SIPA1L1: variants seen among roughly 807,000 people sequenced by gnomAD.
SIPA1L1 encodes the protein signal-induced proliferation-associated 1-like protein 1.
A neutral mutation model predicts 162.7 loss-of-function variants in SIPA1L1; 26 were observed. The observed-to-expected ratio is 0.16, with a 90% CI of 0.12 to 0.22. The LOEUF (loss-of-function observed/expected upper bound fraction) is 0.22, where lower values mean the gene tolerates loss of function less well. Among genes scored for constraint, SIPA1L1 ranks in the 10% least tolerant of loss-of-function variants. The probability of loss-of-function intolerance (pLI) is 1.00; values close to 1 mark genes in which losing one functional copy is unlikely to be tolerated. For missense variants in SIPA1L1, 1,874 were observed against 2,241.0 expected, an observed-to-expected ratio of 0.84 and a Z score of 3.31; for synonymous variants, 829 against 837.4, an observed-to-expected ratio of 0.99 and a Z score of 0.17.
At chr14:71,717,036 A>T (rs2083319886) in intron 17 of SIPA1L1, among the ~76,000 whole-genome samples, 1 of 152,166 alleles carries the variant, frequency 6.6e-6, no homozygotes, top group African/African-American at 2.4e-5. Flanking sequence ...AGTAGCTGGG[A>T]CTACAGGTGC....
At chr14:71,599,462 T>C (rs1036051089) in intron 5 of SIPA1L1, among the ~76,000 whole-genome samples, 2 of 43,802 alleles carry the variant, frequency 4.6e-5, no homozygotes, top group African/African-American at 7.0e-5. Context: ...ATTTCATTCT[T>C]TTTTTTTTTT....
chr14:71,730,865 T>C (rs533275883), intron 20 of SIPA1L1, among the ~76,000 whole-genome samples: 2 of 152,352 alleles, frequency 1.3e-5, no homozygotes, highest in Admixed American at 6.5e-5. Context: ...CCTTGTTTGC[T>C]TTGTGACCCA....
At chr14:71,591,244 C>A (rs369568610) in intron 5 of SIPA1L1, among the ~76,000 whole-genome samples, 1 of 152,096 alleles carries the variant, frequency 6.6e-6, no homozygotes, top group Non-Finnish European at 1.5e-5. Flanking sequence ...TTTCTCATTT[C>A]AATCTCTTGA....
chr14:71,606,789 G>A lies in SIPA1L1; in HGVS notation c.1499-11968G>A, dbSNP rs759947085. Among the ~76,000 whole-genome samples, 6 of 152,070 alleles carry A rather than the reference G, an allele frequency of 3.9e-5. No individual in the cohort carries two copies. The South Asian group carries it at 6.2e-4, about 16-fold the overall frequency. On this transcript the variant is annotated intron_variant, in intron 5 of 23. Transcript: ENST00000381232. ...GACAATGATTATTGTACTGTATGTC[G>A]TTATGTAAGATGTTAGCACTGGGGG... is the stretch of plus-strand genomic sequence containing the variant.
chr14:71,376,340 T>C (rs1279395970), intron 2 of SIPA1L1, among the ~76,000 whole-genome samples: 1 of 152,020 alleles, frequency 6.6e-6, no homozygotes, highest in East Asian at 1.9e-4. Context: ...TGTTCTCTTA[T>C]AATCTTCTTT....
intron 2 of SIPA1L1, among the ~76,000 whole-genome samples, chr14:71,422,652 A>G (rs994636123): frequency 1.3e-5 from 2 of 152,234 alleles, no homozygotes; most frequent in Admixed American, 6.5e-5. Context: ...TAGCATGTGT[A>G]AGAATTTCCT....
chr14:71,602,134 GT>G (rs1306130542), intron 5 of SIPA1L1, among the ~76,000 whole-genome samples: 4 of 151,644 alleles, frequency 2.6e-5, no homozygotes, highest in Admixed American at 1.3e-4. Context: ...TACTCTTCTA[GT>G]TTCTTGAGGT....
intron 2 of SIPA1L1, among the ~76,000 whole-genome samples, chr14:71,458,827 T>C (rs556898597): frequency 1.3e-5 from 2 of 152,152 alleles, no homozygotes; most frequent in African/African-American, 4.8e-5. Flanking sequence ...TCCTGTCACT[T>C]TGGGAGGCCA....
chr14:71,524,438 T>G (rs1203115061), intron 3 of SIPA1L1, among the ~76,000 whole-genome samples: 1 of 152,248 alleles, frequency 6.6e-6, no homozygotes, highest in East Asian at 1.9e-4. Flanking sequence ...CGGGAAACAT[T>G]ACCATGGTTC....
chr14:71,397,570 T>C (rs2041309515), intron 2 of SIPA1L1, among the ~76,000 whole-genome samples: 1 of 152,176 alleles, frequency 6.6e-6, no homozygotes, highest in African/African-American at 2.4e-5. Flanking sequence ...ATTGTGACAA[T>C]TTCTAATAAA....
chr14:71,613,127 GATAA>G (rs1414514491), intron 5 of SIPA1L1, among the ~76,000 whole-genome samples: 3 of 152,112 alleles, frequency 2.0e-5, no homozygotes, highest in African/African-American at 2.4e-5. Flanking sequence ...CGTCTGACTA[GATAA>G]ATAGTTTATT....
At chr14:71,708,029 G>GTTTTTTTTTTTTTTT (rs58827391) in intron 16 of SIPA1L1, among the ~76,000 whole-genome samples, 31 of 82,068 alleles carry the variant, frequency 3.8e-4, no homozygotes, top group Admixed American at 8.7e-4. Flanking sequence ...TTTTTTTTTT[G>GTTTTTTTTTTTTTTT]TTTTTTTTTT....
chr14:71,739,054 C>G lies in SIPA1L1; in HGVS notation c.5245C>G (p.Gln1749Glu). ...CAAAGCTCACCTTCAGGCGGAGGTG[C>G]AGCACCTGCGAGAGGACAACCTGAG... The part of the protein sequence containing the change: ...EDKAHLQAEV[Q>E]HLREDNLRLQ... Residue 1749 changes from glutamine to glutamate, a missense_variant, in exon 24 of 24, where the codon CAG (glutamine) becomes GAG (glutamate). Gln to Glu is a conservative substitution (Grantham distance 29, BLOSUM62 2). Around this residue, in one of 5 missense-constraint regions of SIPA1L1, gnomAD observed 936 missense variants for 1,051.9 expected, o/e 0.89. Coordinates refer to ENST00000381232, the MANE Select transcript of SIPA1L1 (RefSeq NM_001386936.1). The G allele has an allele frequency of 6.2e-7, 1 of 1,614,030 alleles. No individual in the cohort carries two copies. The highest frequency in any genetic ancestry group is 8.5e-7 in the Non-Finnish European group (1 of 1,179,940).
chr14:71,553,369 G>A (rs920040459), intron 4 of SIPA1L1, among the ~76,000 whole-genome samples: 3 of 151,992 alleles, frequency 2.0e-5, no homozygotes, highest in African/African-American at 4.8e-5. Flanking sequence ...TATATTTTTC[G>A]CCTGCTCCCA....
intron 4 of SIPA1L1, among the ~76,000 whole-genome samples, chr14:71,541,315 T>C (rs1383660180): frequency 6.6e-6 from 1 of 152,210 alleles, no homozygotes; most frequent in Non-Finnish European, 1.5e-5. Context: ...AATTGACTAA[T>C]GTAAGGATTC....
intron 4 of SIPA1L1, among the ~76,000 whole-genome samples, chr14:71,559,198 C>T (rs988841726): frequency 1.3e-5 from 2 of 151,702 alleles, no homozygotes; most frequent in African/African-American, 4.8e-5. Context: ...CTCCCGAGTA[C>T]CTGGGATTAC....
intron 2 of SIPA1L1, among the ~76,000 whole-genome samples, chr14:71,480,200 A>G (rs758613715): frequency 4.0e-5 from 6 of 150,960 alleles, no homozygotes; most frequent in African/African-American, 7.3e-5. Flanking sequence ...CTCCTGCCTC[A>G]GCCTCCCAAG....
chr14:71,345,575 C>CTTT (rs11405671), intron 2 of SIPA1L1, among the ~76,000 whole-genome samples: 9 of 139,042 alleles, frequency 6.5e-5, no homozygotes, highest in Non-Finnish European at 7.8e-5. Flanking sequence ...ACAGCTTACT[C>CTTT]TTTTTTTTTT....
intron 5 of SIPA1L1, among the ~76,000 whole-genome samples, chr14:71,602,585 A>T (rs527687152): frequency 6.6e-6 from 1 of 152,206 alleles, no homozygotes; most frequent in East Asian, 1.9e-4. Flanking sequence ...ATTTGGTCTA[A>T]TGTGTAGCTT....
Sources: gnomAD v4.1 joint callset for allele counts (sites outside exome capture counted in the v4.1 genomes callset) on GRCh38, gnomAD v4.1.1 for gene constraint, gnomAD v4.1.1 regional missense constraint, MANE v1.5 for transcripts, NCBI Gene and HGNC (gene_info 2026-07-23, HGNC 2026-07-21) for gene names.